The following BBS5 variants were observed in gnomAD, a reference collection of about 807,000 sequenced individuals.
The protein encoded by BBS5 is BBSome complex member BBS5.
BBS5 carries 39 observed loss-of-function variants against 50.2 expected under a neutral mutation model. The observed-to-expected ratio is 0.78, with a 90% CI of 0.60 to 1.01. The LOEUF is 1.01. Among genes scored for constraint, BBS5 ranks in the 50% least tolerant of loss-of-function variants. The pLI is 0.00. For synonymous variants in BBS5, 134 were observed against 133.1 expected (o/e 1.01, Z -0.05); for missense variants, 356 against 401.5 (o/e 0.89, Z 0.97).
At position 169,499,479 on chromosome 2, in the gene BBS5, C is replaced by CTT; in HGVS notation, c.682-6_682-5dup. 6.2e-7 allele frequency: 1 copy of CTT among 1,611,452 alleles called. No homozygotes were observed. Among genetic ancestry groups the CTT allele is most frequent in the South Asian group, 1.1e-5 (1 of 90,914 alleles). On this transcript the variant is annotated splice_region_variant and splice_polypyrimidine_tract_variant and intron_variant, in intron 8 of 11. Coordinates refer to ENST00000295240, the MANE Select transcript of BBS5 (RefSeq NM_152384.3). ...TGGGTTTTTTTTTATTATTTTTTCTCTTGTAGAGTGGTGGATATGTTCTTG... is the reference window on the plus strand; with the variant it reads ...TGGGTTTTTTTTTATTATTTTTTCTCTTTTGTAGAGTGGTGGATATGTTCTTG...
At chr2:169,498,326 A>C (rs1390991454) in intron 8 of BBS5, among the ~76,000 whole-genome samples, 1 of 152,228 alleles carries the variant, frequency 6.6e-6, no homozygotes, top group Admixed American at 6.5e-5. Flanking sequence ...CATTTTTAAA[A>C]GTGATTTATA....
chr2:169,494,192 G>T (rs184590476), intron 7 of BBS5, among the ~76,000 whole-genome samples: 1 of 152,176 alleles, frequency 6.6e-6, no homozygotes, highest in Non-Finnish European at 1.5e-5. Flanking sequence ...GGTATGTGGT[G>T]CTTCCTTGGC....
Position 169,482,270 on chromosome 2 carries a change from G to A in BBS5, c.79G>A (p.Gly27Arg). ...CTTTAGGCAAATGAAAACAAGACCT[G>A]GAGAAGTCCTTATTGATTGTTTAGA... ...LSAQQMKTRP[G>R]EVLIDCLDSI... The change falls in exon 2 of 12, where the codon GGA becomes AGA. Residue 27 changes from glycine (G) to arginine (R), a missense_variant. Gly to Arg is a moderately radical substitution (Grantham distance 125, BLOSUM62 -2). Coordinates refer to ENST00000295240, the MANE Select transcript of BBS5 (RefSeq NM_152384.3). The A allele has an allele frequency of 6.2e-7, 1 of 1,609,672 alleles. No individual in the cohort carries two copies. Among genetic ancestry groups the A allele is most frequent in the Non-Finnish European group, 8.5e-7 (1 of 1,176,078 alleles).
At chr2:169,500,551 T>G (rs1683782912) in intron 9 of BBS5, among the ~76,000 whole-genome samples, 1 of 152,230 alleles carries the variant, frequency 6.6e-6, no homozygotes, top group Non-Finnish European at 1.5e-5. Context: ...GTTGGTGCCC[T>G]TGCCGTTTAC....
chr2:169,493,534 G>A lies in BBS5; in HGVS notation c.523-207G>A, dbSNP rs566306151. ...TTTCCCTATGGTCAGACAGTTGGTA[G>A]GTACTAATGGTTTAATGATTAGGCA... On this transcript the variant is annotated intron_variant, in intron 6 of 11. Transcript: ENST00000295240. Among the ~76,000 whole-genome samples the A allele has an allele frequency of 2.0e-5, 3 of 152,276 alleles. No homozygotes were observed. The East Asian group carries it at 5.8e-4, about 29-fold the overall frequency.
intron 8 of BBS5, chr2:169,499,205 G>A (rs749094253): frequency 8.7e-5 from 32 of 369,174 alleles, no homozygotes; most frequent in African/African-American, 4.6e-4. Flanking sequence ...ATAAGCCTGC[G>A]TTGGGGGAAT....
At chr2:169,501,214 G>T (rs1194721422) in intron 9 of BBS5, among the ~76,000 whole-genome samples, 1 of 152,152 alleles carries the variant, frequency 6.6e-6, no homozygotes, top group African/African-American at 2.4e-5. Context: ...TTTTGGCACT[G>T]TCAAAGTCAG....
intron 7 of BBS5, among the ~76,000 whole-genome samples, chr2:169,494,930 G>A (rs143754238): frequency 4.3e-4 from 65 of 152,292 alleles, no homozygotes; most frequent in African/African-American, 1.5e-3. Flanking sequence ...CCTGGCCCAT[G>A]AGAAGAATAA....
intron 1 of BBS5, among the ~76,000 whole-genome samples, chr2:169,480,662 C>T: frequency 8.1e-6 from 1 of 123,988 alleles, no homozygotes; most frequent in African/African-American, 2.9e-5. Flanking sequence ...ATGACATTTT[C>T]TGTCATTCTT....
At position 169,505,127 on chromosome 2, in the gene BBS5, G is replaced by C. The variant is rs763310295; in HGVS notation, c.*545G>C. On this transcript the variant is annotated 3_prime_UTR_variant, in exon 12 of 12. Coordinates refer to ENST00000295240, the MANE Select transcript of BBS5 (RefSeq NM_152384.3). ...GCGCCGCCACACCTGACTGGTTTTC[G>C]TATTTTTTTGGTGGAGACGGGGTTT... 12 of 803,510 alleles carry C rather than the reference G, an allele frequency of 1.5e-5. No individual in the cohort carries two copies. Among genetic ancestry groups the C allele is most frequent in the African/African-American group, 8.5e-5 (5 of 58,632 alleles). The allele number at this position is 803,510 out of a possible 1,614,324, so 49.8% of individuals were successfully genotyped here.
chr2:169,481,324 C>A (rs755780249), intron 1 of BBS5, among the ~76,000 whole-genome samples: 2 of 152,132 alleles, frequency 1.3e-5, no homozygotes, highest in East Asian at 3.9e-4. Context: ...TCAGGGTAGA[C>A]AGGAGGAGAG....
chr2:169,484,212 T>G (rs1683450871), intron 2 of BBS5, among the ~76,000 whole-genome samples: 1 of 152,038 alleles, frequency 6.6e-6, no homozygotes, highest in African/African-American at 2.4e-5. Flanking sequence ...CAAGACCCTG[T>G]CTCTACAGAA....
At chr2:169,488,642 T>A (rs535575075) in intron 5 of BBS5, among the ~76,000 whole-genome samples, 10 of 152,190 alleles carry the variant, frequency 6.6e-5, no homozygotes, top group Non-Finnish European at 1.5e-4. Context: ...GACCCCTGTT[T>A]TAGAGAATAA....
At chr2:169,479,668 G>T (rs1683351962) in intron 1 of BBS5, 56 bp downstream of exon 1, 1 of 1,595,574 alleles carries the variant, frequency 6.3e-7, no homozygotes, top group South Asian at 1.1e-5. Flanking sequence ...GCCGCCGTGC[G>T]CGTTAGGGAC....
At chr2:169,499,319 T>A in intron 8 of BBS5, 167 bp from the exon 9 acceptor site, 3 of 682,104 alleles carry the variant, frequency 4.4e-6, no homozygotes, top group Non-Finnish European at 7.1e-6. Flanking sequence ...TGTGCTCTTC[T>A]GTTTTTGTAT....
At chr2:169,486,241 A>G (rs191531556) in intron 2 of BBS5, among the ~76,000 whole-genome samples, 65 of 152,358 alleles carry the variant, frequency 4.3e-4, no homozygotes, top group African/African-American at 1.5e-3. Context: ...GGCTGGCTAT[A>G]GATTACTCAT....
intron 1 of BBS5, among the ~76,000 whole-genome samples, chr2:169,480,122 G>C (rs1337228366): frequency 1.3e-5 from 2 of 151,970 alleles, no homozygotes; most frequent in Non-Finnish European, 2.9e-5. Context: ...TAAGGCAGTC[G>C]TCAAAAATTA....
At chr2:169,495,234 A>G (rs535420263) in intron 7 of BBS5, among the ~76,000 whole-genome samples, 40 of 152,350 alleles carry the variant, frequency 2.6e-4, no homozygotes, top group Non-Finnish European at 4.7e-4. Flanking sequence ...CAAGGCTGGG[A>G]CAATGTAACA....
intron 1 of BBS5, among the ~76,000 whole-genome samples, chr2:169,481,403 G>T (rs1683393145): frequency 6.6e-6 from 1 of 152,192 alleles, no homozygotes; most frequent in South Asian, 2.1e-4. Flanking sequence ...ATTAGCTAAA[G>T]GCAGGGTCTG....
Sources: gnomAD v4.1 joint callset for allele counts (sites outside exome capture counted in the v4.1 genomes callset) on GRCh38, gnomAD v4.1.1 for gene constraint, MANE v1.5 for transcripts, NCBI Gene and HGNC (gene_info 2026-07-23, HGNC 2026-07-21) for gene names.